The following CNTNAP2 variants were observed in gnomAD, a reference collection of about 807,000 sequenced individuals.
The protein encoded by CNTNAP2 is contactin associated protein 2.
CNTNAP2 carries 98 observed loss-of-function variants against 155.2 expected under a neutral mutation model. The observed-to-expected ratio is 0.63, with a 90% CI of 0.54 to 0.75. The LOEUF (loss-of-function observed/expected upper bound fraction) is 0.75, where lower values mean the gene tolerates loss of function less well. CNTNAP2 is among the 30% of genes least tolerant of loss of function. The pLI, the probability that CNTNAP2 is intolerant of heterozygous loss-of-function variation, is 0.00. For synonymous variants in CNTNAP2, 651 were observed against 631.2 expected (o/e 1.03, Z -0.47); for missense variants, 1,727 against 1,688.1 (o/e 1.02, Z -0.40).
chr7:147,413,593 T>C (rs1337059825), intron 10 of CNTNAP2, among the ~76,000 whole-genome samples: 2 of 152,156 alleles, frequency 1.3e-5, no homozygotes, highest in Admixed American at 1.3e-4. Flanking sequence ...TAAATCAATA[T>C]TTTTTTGAGA....
At chr7:147,647,296 C>T (rs1353775437) in intron 13 of CNTNAP2, among the ~76,000 whole-genome samples, 3 of 151,610 alleles carry the variant, frequency 2.0e-5, no homozygotes, top group African/African-American at 4.8e-5. Flanking sequence ...CCACCGCGCC[C>T]GGCCAGTTCA....
At chr7:147,471,089 T>C (rs1021811933) in intron 10 of CNTNAP2, among the ~76,000 whole-genome samples, 12 of 152,156 alleles carry the variant, frequency 7.9e-5, no homozygotes, top group African/African-American at 2.9e-4. Flanking sequence ...GTGGAAATCT[T>C]TGGTGAGTTT....
At chr7:146,937,443 AAAGTTT>A (rs1237523946) in intron 3 of CNTNAP2, among the ~76,000 whole-genome samples, 1 of 152,124 alleles carries the variant, frequency 6.6e-6, no homozygotes, top group Non-Finnish European at 1.5e-5. Context: ...TGAATATTTT[AAAGTTT>A]AAGTTGTTCT....
At chr7:147,721,222 T>G (rs1244795127) in intron 13 of CNTNAP2, among the ~76,000 whole-genome samples, 1 of 152,038 alleles carries the variant, frequency 6.6e-6, no homozygotes, top group African/African-American at 2.4e-5. Flanking sequence ...GTTTGGGGTT[T>G]GGGCTTGGGT....
intron 3 of CNTNAP2, among the ~76,000 whole-genome samples, chr7:146,930,487 C>T (rs1796724793): frequency 1.3e-5 from 2 of 152,134 alleles, no homozygotes; most frequent in South Asian, 4.1e-4. Context: ...CAAAATCATA[C>T]CAAATTGTAA....
chr7:146,525,125 T>C (rs1271396515), intron 1 of CNTNAP2, among the ~76,000 whole-genome samples: 1 of 151,912 alleles, frequency 6.6e-6, no homozygotes, highest in Non-Finnish European at 1.5e-5. Context: ...AAGTTGATCA[T>C]GGTTAGGTAG....
chr7:147,916,203 G>A (rs1361097219), intron 14 of CNTNAP2, among the ~76,000 whole-genome samples: 1 of 152,136 alleles, frequency 6.6e-6, no homozygotes, highest in Non-Finnish European at 1.5e-5. Flanking sequence ...CAATGGGGAA[G>A]GGGAAATGTC....
At chr7:147,516,909 T>C (rs11764011) in intron 11 of CNTNAP2, among the ~76,000 whole-genome samples, 6,563 of 149,738 alleles carry the variant, frequency 0.044, 233 homozygotes, top group South Asian at 0.085. Flanking sequence ...GTGCCCAGGA[T>C]GCAGTGCAGT....
intron 8 of CNTNAP2, among the ~76,000 whole-genome samples, chr7:147,196,293 C>A (rs1802798844): frequency 6.6e-6 from 1 of 152,148 alleles, no homozygotes; most frequent in South Asian, 2.1e-4. Context: ...TTGATGGCTA[C>A]CATTTTAGAT....
intron 13 of CNTNAP2, among the ~76,000 whole-genome samples, chr7:147,743,048 C>G (rs1013987222): frequency 6.6e-6 from 1 of 152,126 alleles, no homozygotes; most frequent in Non-Finnish European, 1.5e-5. Context: ...AATTTATCAT[C>G]AAAAATACTA....
chr7:146,989,492 C>T (rs984745763), intron 3 of CNTNAP2, among the ~76,000 whole-genome samples: 17 of 151,778 alleles, frequency 1.1e-4, no homozygotes, highest in African/African-American at 4.1e-4. Context: ...GAGATCTTGT[C>T]AGCACATAAC....
chr7:146,398,828 G>A (rs1441850096), intron 1 of CNTNAP2, among the ~76,000 whole-genome samples: 1 of 151,830 alleles, frequency 6.6e-6, no homozygotes, highest in Admixed American at 6.6e-5. Context: ...GGAGAGGCTG[G>A]AAATCAATAT....
intron 1 of CNTNAP2, among the ~76,000 whole-genome samples, chr7:146,411,048 T>C (rs1477504333): frequency 1.3e-5 from 2 of 152,186 alleles, no homozygotes; most frequent in African/African-American, 4.8e-5. Context: ...TCTAGGCTAT[T>C]GTGAAAAATG....
Position 148,409,907 on chromosome 7 carries a change from C to T in CNTNAP2, c.3796+436C>T, listed in dbSNP as rs571489457. ...TCTACTAAAAATACAAAAAATTAGC[C>T]GGGCGCAGTGGCGGGCGCCTGTAGT... On this transcript the variant is annotated intron_variant, in intron 23 of 23. Coordinates refer to ENST00000361727, the MANE Select transcript of CNTNAP2 (RefSeq NM_014141.6). Among the ~76,000 whole-genome samples, 10 of 92,856 alleles carry T rather than the reference C, an allele frequency of 1.1e-4. 2 individuals are homozygous for T. Among genetic ancestry groups the T allele is most frequent in the Admixed American group, 8.4e-4 (10 of 11,938 alleles). 60.9% of individuals were successfully genotyped at this position (92,856 alleles called of 152,430 possible).
At chr7:146,757,124 A>G (rs2129183388) in intron 1 of CNTNAP2, among the ~76,000 whole-genome samples, 1 of 152,272 alleles carries the variant, frequency 6.6e-6, no homozygotes, top group African/African-American at 2.4e-5. Flanking sequence ...AACAAATGCG[A>G]TGACATAAGC....
intron 17 of CNTNAP2, among the ~76,000 whole-genome samples, chr7:148,156,178 C>A (rs1805394089): frequency 2.6e-5 from 4 of 152,216 alleles, no homozygotes; most frequent in Admixed American, 2.6e-4. Context: ...TGCAAAAGCA[C>A]TCTTCTCAGG....
At chr7:146,721,304 T>TATTCTATATATATTCTATATATAC (rs1563203387) in intron 1 of CNTNAP2, among the ~76,000 whole-genome samples, 2 of 105,612 alleles carry the variant, frequency 1.9e-5, no homozygotes, top group South Asian at 5.2e-4. Context: ...TCTATATATG[T>TATTCTATATATATTCTATATATAC]ATTCTATATA....
At chr7:147,745,893 A>G (rs1797033950) in intron 13 of CNTNAP2, among the ~76,000 whole-genome samples, 1 of 152,224 alleles carries the variant, frequency 6.6e-6, no homozygotes, top group South Asian at 2.1e-4. Context: ...GTTTCCAAGT[A>G]CAGGAATCTT....
At chr7:147,223,752 C>A (rs1803458230) in intron 8 of CNTNAP2, among the ~76,000 whole-genome samples, 1 of 151,940 alleles carries the variant, frequency 6.6e-6, no homozygotes. Flanking sequence ...ACCATCCTGA[C>A]AAACATGGTG....
Sources: allele counts gnomAD v4.1 joint callset (sites outside exome capture counted in the v4.1 genomes callset), GRCh38; gene constraint gnomAD v4.1.1; transcripts MANE v1.5; gene names NCBI Gene and HGNC (gene_info 2026-07-23, HGNC 2026-07-21).